The following AOPEP variants were observed in gnomAD, a reference collection of about 807,000 sequenced individuals.
The protein encoded by AOPEP is aminopeptidase O (putative).
A neutral mutation model predicts 98.1 loss-of-function variants in AOPEP; 77 were observed. That is an observed-to-expected ratio of 0.78 (90% CI 0.65 to 0.95). The LOEUF is 0.95. Among genes scored for constraint, AOPEP ranks in the 40% least tolerant of loss-of-function variants. AOPEP has a pLI of 0.00. For synonymous variants in AOPEP, 346 were observed against 365.3 expected, an observed-to-expected ratio of 0.95 and a Z score of 0.60; for missense variants, 1,024 against 1,024.7, an observed-to-expected ratio of 1.00 and a Z score of 0.01.
intron 3 of AOPEP, 152 bp from the exon 4 acceptor site, chr9:94,792,613 A>C (rs1276918714): frequency 7.8e-6 from 5 of 640,864 alleles, no homozygotes; most frequent in Non-Finnish European, 1.3e-5. Flanking sequence ...TGAGCCCTGA[A>C]ATGTGCCCTT....
At chr9:95,059,317 T>C (rs2067113670) in intron 13 of AOPEP, among the ~76,000 whole-genome samples, 1 of 152,174 alleles carries the variant, frequency 6.6e-6, no homozygotes, top group Non-Finnish European at 1.5e-5. Context: ...AAGTACAGAA[T>C]ATACCCAAGA....
intron 13 of AOPEP, among the ~76,000 whole-genome samples, chr9:95,026,286 A>G (rs2063830012): frequency 1.3e-5 from 2 of 152,160 alleles, no homozygotes; most frequent in South Asian, 2.1e-4. Flanking sequence ...CATCACCACA[A>G]TCTAGTTTTA....
At chr9:94,956,180 G>T (rs2058441041) in intron 9 of AOPEP, among the ~76,000 whole-genome samples, 165 bp downstream of exon 9, 1 of 152,188 alleles carries the variant, frequency 6.6e-6, no homozygotes, top group Non-Finnish European at 1.5e-5. Flanking sequence ...GTTGCTTCAG[G>T]GAAGGTGATC....
chr9:94,899,128 T>TC (rs1315641185), intron 5 of AOPEP, among the ~76,000 whole-genome samples: 3 of 149,710 alleles, frequency 2.0e-5, no homozygotes. Flanking sequence ...GGAGAAAAAG[T>TC]CCAAGTGGAG....
intron 5 of AOPEP, among the ~76,000 whole-genome samples, chr9:94,915,426 C>T (rs1192920367): frequency 1.3e-5 from 2 of 152,170 alleles, no homozygotes; most frequent in Non-Finnish European, 2.9e-5. Flanking sequence ...CGTGCTATTC[C>T]CCAAGGCCAC....
intron 2 of AOPEP, among the ~76,000 whole-genome samples, chr9:94,767,103 A>G (rs1839803557): frequency 6.6e-6 from 1 of 152,256 alleles, no homozygotes; most frequent in Non-Finnish European, 1.5e-5. Context: ...TTTCAGGTCT[A>G]AGAGGAACAT....
chr9:94,797,124 A>G (rs1847122681), intron 4 of AOPEP, among the ~76,000 whole-genome samples: 1 of 152,194 alleles, frequency 6.6e-6, no homozygotes, highest in African/African-American at 2.4e-5. Flanking sequence ...TCTATGGAAG[A>G]CTATTACTTT....
chr9:94,780,144 G>T (rs1440539739), intron 3 of AOPEP, among the ~76,000 whole-genome samples: 2 of 152,162 alleles, frequency 1.3e-5, no homozygotes, highest in Admixed American at 1.3e-4. Flanking sequence ...CTGCCTTCAT[G>T]TTACAACAGC....
chr9:95,119,007 C>T, the AOPEP span, among the ~76,000 whole-genome samples: 1 of 152,152 alleles, frequency 6.6e-6, no homozygotes, highest in Non-Finnish European at 1.5e-5. Context: ...GGTGTTGTAC[C>T]ATCTTACGCC....
intron 14 of AOPEP, among the ~76,000 whole-genome samples, chr9:95,073,745 G>A (rs2068748644): frequency 6.6e-6 from 1 of 152,172 alleles, no homozygotes; most frequent in Non-Finnish European, 1.5e-5. Context: ...TGTGTTGCCA[G>A]CTACTTGGGA....
At chr9:94,855,128 C>T (rs573757778) in intron 5 of AOPEP, among the ~76,000 whole-genome samples, 12 of 152,124 alleles carry the variant, frequency 7.9e-5, no homozygotes, top group Admixed American at 2.6e-4. Flanking sequence ...CCCAGGCTGT[C>T]GTGCAATGGT....
the AOPEP span, among the ~76,000 whole-genome samples, chr9:95,095,492 C>T: frequency 3.3e-5 from 5 of 152,300 alleles, no homozygotes; most frequent in East Asian, 3.9e-4. Context: ...TTAGGAAATT[C>T]GCTTTTTTCA....
chr9:95,082,231 G>A (rs10491560), intron 15 of AOPEP, among the ~76,000 whole-genome samples: 30,505 of 152,090 alleles, frequency 0.2, 3,221 homozygotes, highest in Middle Eastern at 0.32. Context: ...CAGGCTCTCC[G>A]CGTGGTAATT....
At chr9:95,086,240 G>T (rs73528445) in intron 16 of AOPEP, 3 of 1,247,792 alleles carry the variant, frequency 2.4e-6, no homozygotes, top group Non-Finnish European at 3.1e-6. Context: ...GTGCTCCTGC[G>T]GCGTGGGGGT....
At chr9:95,069,022 C>G (rs534663477) in intron 14 of AOPEP, among the ~76,000 whole-genome samples, 1 of 144,244 alleles carries the variant, frequency 6.9e-6, no homozygotes, top group Non-Finnish European at 1.5e-5. Context: ...CTCATGCACC[C>G]TTTCGTGGCT....
At chr9:95,093,044 G>A in the AOPEP span, among the ~76,000 whole-genome samples, 1 of 152,244 alleles carries the variant, frequency 6.6e-6, no homozygotes, top group African/African-American at 2.4e-5. Flanking sequence ...AGTGATTGCT[G>A]ATGGAATGGA....
chr9:95,149,481 A>G, the AOPEP span, among the ~76,000 whole-genome samples: 15 of 152,002 alleles, frequency 9.9e-5, no homozygotes, highest in East Asian at 5.8e-4. Context: ...GATCCTCAGT[A>G]ATTTTTTTTT....
chr9:95,122,571 G>A, the AOPEP span, among the ~76,000 whole-genome samples: 1 of 152,220 alleles, frequency 6.6e-6, no homozygotes. Flanking sequence ...CCAGGACCCA[G>A]TGTGTGGTCC....
At chr9:95,106,591 C>T in the AOPEP span, among the ~76,000 whole-genome samples, 9 of 152,204 alleles carry the variant, frequency 5.9e-5, no homozygotes, top group Non-Finnish European at 1.2e-4. Context: ...TTTTTTACCC[C>T]TCAAGTCAAG....
Sources: allele counts gnomAD v4.1 joint callset (sites outside exome capture counted in the v4.1 genomes callset), GRCh38; gene constraint gnomAD v4.1.1; transcripts MANE v1.5; gene names NCBI Gene and HGNC (gene_info 2026-07-23, HGNC 2026-07-21).